Variants in NUCB1 observed in about 807,000 individuals in gnomAD.
NUCB1 encodes the protein nucleobindin 1.
NUCB1 carries 47 observed loss-of-function variants against 61.2 expected under a neutral mutation model. The observed-to-expected ratio is 0.77, with a 90% CI of 0.61 to 0.98. The LOEUF (loss-of-function observed/expected upper bound fraction) is 0.98, where lower values mean the gene tolerates loss of function less well. Among genes scored for constraint, NUCB1 ranks in the 50% least tolerant of loss-of-function variants. The pLI, the probability that NUCB1 is intolerant of heterozygous loss-of-function variation, is 0.00. For missense variants in NUCB1, 583 were observed against 605.3 expected (o/e 0.96, Z 0.39); for synonymous variants, 234 against 243.1 (o/e 0.96, Z 0.35).
chr19:48,920,406 A>G (rs938657347), intron 10 of NUCB1, among the ~76,000 whole-genome samples: 1 of 152,156 alleles, frequency 6.6e-6, no homozygotes, highest in African/African-American at 2.4e-5. Flanking sequence ...AGTTCACTGC[A>G]GCCTTGAATT....
Position 48,919,038 on chromosome 19 carries a change from AGT to A in NUCB1, c.828_829del (p.Tyr277ArgfsTer5). 6.2e-7 allele frequency: 1 copy of A among 1,613,958 alleles called. No individual in the cohort carries two copies. ...EALFTKELEK[V>X]YDPKNEEDDM... ...CTCGCTTGCTCCTGCAGCTGGAGAA[AGT>A]GTACGACCCAAAGAATGAGGAGGAC... On this transcript the variant is annotated frameshift_variant, in exon 9 of 13. Transcript: ENST00000405315. LOFTEE classifies it high-confidence loss of function.
intron 7 of NUCB1, among the ~76,000 whole-genome samples, chr19:48,914,145 T>C (rs981826836): frequency 1.1e-4 from 16 of 151,678 alleles, no homozygotes; most frequent in African/African-American, 3.6e-4. Context: ...CCGGCTAACT[T>C]TTGTATTTTT....
chr19:48,913,015 C>T lies in NUCB1; in HGVS notation c.485C>T (p.Thr162Ile), dbSNP rs764042827. 3 of 1,606,724 alleles carry T rather than the reference C, an allele frequency of 1.9e-6. No homozygotes were observed. The highest frequency in any genetic ancestry group is 1.3e-5 in the African/African-American group (1 of 74,652). The change falls in exon 6 of 13, where the codon ACC becomes ATC. Residue 162 changes from threonine to isoleucine, a missense_variant. Coordinates refer to ENST00000405315, the MANE Select transcript of NUCB1 (RefSeq NM_006184.6). ...RDLELLIQTA[T>I]RDLAQYDAAH... ...TGACCCTGTGCCTTTCCCCAGGCCA[C>T]CCGGGACCTTGCCCAGTACGACGCA...
At chr19:48,905,940 T>C (rs1310390543) in intron 4 of NUCB1, 55 bp downstream of exon 4, 3 of 1,447,994 alleles carry the variant, frequency 2.1e-6, no homozygotes, top group East Asian at 4.7e-5. Context: ...AAGGGTGGCC[T>C]CACTCCCGGC....
At chr19:48,915,741 T>C (rs1415020102) in intron 7 of NUCB1, among the ~76,000 whole-genome samples, 1 of 152,046 alleles carries the variant, frequency 6.6e-6, no homozygotes, top group Non-Finnish European at 1.5e-5. Context: ...GCTCAAGCGA[T>C]CCACCTATCT....
rs540384493 is a variant in NUCB1 at position 48,913,189 on chromosome 19, A to G, written c.659A>G (p.Asn220Ser). The change falls in exon 6 of 13, where the codon AAC becomes AGC. Residue 220 changes from asparagine (N) to serine (S), a missense_variant. By Grantham distance (46) the Asn-to-Ser change is conservative (BLOSUM62 1). Transcript: ENST00000405315. ...CGGCACCGCGAGCACCCTAAAGTCA[A>G]CGTGCCTGTGAGGACCCCATTTGTG... Reference protein sequence around the residue: ...QRRHREHPKVNVPGSQAQLKE... With the variant: ...QRRHREHPKVSVPGSQAQLKE... 7.4e-6 allele frequency: 12 copies of G among 1,611,612 alleles called. No individual in the cohort carries two copies. The highest frequency in any genetic ancestry group is 1.3e-5 in the African/African-American group (1 of 74,904).
chr19:48,905,907 G>C, intron 4 of NUCB1, 22 bp downstream of exon 4: 1 of 1,558,388 alleles, frequency 6.4e-7, no homozygotes, highest in Non-Finnish European at 8.8e-7. Flanking sequence ...CAGGGCGGGA[G>C]GGACAGGCAG....
rs2037347628 is a variant in NUCB1, at chr19:48,900,922, TGA to T, written c.130_131del (p.Pro45ArgfsTer57). 2 of 1,613,778 alleles carry T rather than the reference TGA, an allele frequency of 1.2e-6. No individual in the cohort carries two copies. The highest frequency in any genetic ancestry group is 1.3e-5 in the African/African-American group (1 of 74,946). On this transcript the variant is annotated frameshift_variant, in exon 2 of 13. Coordinates refer to ENST00000405315, the MANE Select transcript of NUCB1 (RefSeq NM_006184.6). LOFTEE classifies it high-confidence loss of function. Reference sequence around the variant, plus strand: ...CCAACAAGGAGGAGACCCCTGCGACTGAGAGTCCCGTGAGTGGCCCTGCCCTG... The same window carrying T: ...CCAACAAGGAGGAGACCCCTGCGACTGAGTCCCGTGAGTGGCCCTGCCCTG... ...APNKEETPATESPDTGLYYHR... is the reference protein window; with the variant it reads ...APNKEETPATXSPDTGLYYHR...
intron 4 of NUCB1, among the ~76,000 whole-genome samples, chr19:48,908,721 GGTGTGTGTGTGTGTGTGTGT>G (rs57686025): frequency 2.6e-4 from 28 of 109,370 alleles, no homozygotes; most frequent in Admixed American, 2.3e-3. Flanking sequence ...TTGACCAAGG[GGTGTGTGTGTGTGTGTGTGT>G]GTGTGTGTGT....
At chr19:48,900,643 G>T (rs1389666237) in intron 1 of NUCB1, 143 bp from the exon 2 acceptor site, 2 of 1,161,582 alleles carry the variant, frequency 1.7e-6, no homozygotes, top group Non-Finnish European at 2.4e-6. Context: ...CGGAGGCCTG[G>T]AATCCTGGGG....
intron 4 of NUCB1, among the ~76,000 whole-genome samples, chr19:48,908,529 C>CAAAT (rs1020950092): frequency 6.6e-6 from 1 of 152,152 alleles, no homozygotes; most frequent in Non-Finnish European, 1.5e-5. Flanking sequence ...GTCCCTGGCA[C>CAAAT]AAATAATGAA....
Position 48,919,045 on chromosome 19 carries a change from G to A in NUCB1, c.832G>A (p.Asp278Asn). Reference sequence around the variant, plus strand: ...GCTCCTGCAGCTGGAGAAAGTGTACGACCCAAAGAATGAGGAGGACGACAT... The same window carrying A: ...GCTCCTGCAGCTGGAGAAAGTGTACAACCCAAAGAATGAGGAGGACGACAT... Reference protein sequence around the residue: ...LFTKELEKVYDPKNEEDDMRE... With the variant: ...LFTKELEKVYNPKNEEDDMRE... The change falls in exon 9 of 13, where the codon GAC becomes AAC. Residue 278 changes from aspartate to asparagine, a missense_variant. Coordinates refer to ENST00000405315, the MANE Select transcript of NUCB1 (RefSeq NM_006184.6). 1.2e-6 allele frequency: 2 copies of A among 1,613,968 alleles called. No homozygotes were observed. The highest frequency in any genetic ancestry group is 1.7e-6 in the Non-Finnish European group (2 of 1,179,994).
intron 6 of NUCB1, 63 bp downstream of exon 6, chr19:48,913,259 A>T: frequency 6.6e-7 from 1 of 1,513,942 alleles, no homozygotes; most frequent in Admixed American, 2.2e-5. Context: ...AAGACAAGAA[A>T]GCAGTTAAAG....
chr19:48,910,672 CAA>C (rs57061784), intron 4 of NUCB1, among the ~76,000 whole-genome samples: 58 of 106,358 alleles, frequency 5.5e-4, no homozygotes, highest in Middle Eastern at 5.1e-3. Context: ...AACCCTGTCT[CAA>C]AAAAAAAAAA....
chr19:48,918,884 G>A, intron 8 of NUCB1, 100 bp downstream of exon 8: 2 of 1,345,408 alleles, frequency 1.5e-6, no homozygotes, highest in East Asian at 2.3e-5. Context: ...GGAGCTCAGT[G>A]AAAACTACAA....
chr19:48,911,602 C>T (rs533686214), intron 5 of NUCB1, among the ~76,000 whole-genome samples: 2 of 151,940 alleles, frequency 1.3e-5, no homozygotes, highest in African/African-American at 2.4e-5. Flanking sequence ...GACAGGGTTT[C>T]ACCATGTTGG....
intron 3 of NUCB1, among the ~76,000 whole-genome samples, chr19:48,905,522 C>T (rs1294932174): frequency 1.3e-5 from 2 of 152,116 alleles, no homozygotes; most frequent in African/African-American, 4.8e-5. Context: ...GCACCTGGCC[C>T]CTAAACATGT....
chr19:48,900,550 C>T, intron 1 of NUCB1, 178 bp downstream of exon 1: 1 of 563,286 alleles, frequency 1.8e-6, no homozygotes, highest in Admixed American at 3.3e-5. Flanking sequence ...ATCCCGGATT[C>T]CTGAGTGTGA....
In NUCB1 at chr19:48,921,333, G is replaced by T; in HGVS notation, c.1173+9G>T. 1 of 1,569,916 alleles carries T rather than the reference G, an allele frequency of 6.4e-7. No homozygotes were observed. Among genetic ancestry groups the T allele is most frequent in the South Asian group, 1.2e-5 (1 of 85,790 alleles). On this transcript the variant is annotated intron_variant, in intron 11 of 12. Coordinates refer to ENST00000405315, the MANE Select transcript of NUCB1 (RefSeq NM_006184.6). ...AGAGAGAGCTGCAGCAGGTGACAGCGGGGGAAGCTGCTTCCATCCACTGAA... is the reference window on the plus strand; with the variant it reads ...AGAGAGAGCTGCAGCAGGTGACAGCTGGGGAAGCTGCTTCCATCCACTGAA...
Sources: gnomAD v4.1 joint callset for allele counts (sites outside exome capture counted in the v4.1 genomes callset) on GRCh38, gnomAD v4.1.1 for gene constraint, MANE v1.5 for transcripts, NCBI Gene and HGNC (gene_info 2026-07-23, HGNC 2026-07-21) for gene names.